Variants in AAK1 observed in about 807,000 individuals in gnomAD.
The protein encoded by AAK1 is AP2 associated kinase 1, also known as AP2-associated protein kinase 1.
Under a neutral mutation model 116.0 loss-of-function variants are expected in AAK1, and 37 were observed. The ratio of observed to expected loss-of-function variants is 0.32; its 90% CI spans 0.25 to 0.42. The LOEUF is 0.42. Ranked by LOEUF, AAK1 falls within the 10% of genes least tolerant of loss-of-function variation. The probability of loss-of-function intolerance (pLI) is 1.00; values close to 1 mark genes in which losing one functional copy is unlikely to be tolerated. For missense variants in AAK1, 919 were observed against 1,170.6 expected (o/e 0.79, Z 3.14); for synonymous variants, 458 against 439.9 (o/e 1.04, Z -0.51).
At chr2:69,582,483 G>A (rs948118859) in intron 2 of AAK1, among the ~76,000 whole-genome samples, 11 of 152,162 alleles carry the variant, frequency 7.2e-5, no homozygotes, top group African/African-American at 2.4e-4. Flanking sequence ...TGGGAGAGGT[G>A]GTGAGGAAGT....
intron 5 of AAK1, among the ~76,000 whole-genome samples, chr2:69,536,555 T>C (rs1670482942): frequency 6.6e-6 from 1 of 152,160 alleles, no homozygotes; most frequent in South Asian, 2.1e-4. Context: ...ACTTTGTTTT[T>C]GGCAAAGTCC....
chr2:69,588,779 T>C (rs1672897232), intron 2 of AAK1, among the ~76,000 whole-genome samples: 1 of 152,196 alleles, frequency 6.6e-6, no homozygotes. Flanking sequence ...ATTATTTATT[T>C]TTATCCAATG....
intron 15 of AAK1, among the ~76,000 whole-genome samples, chr2:69,507,052 C>T (rs760638648): frequency 1.6e-4 from 24 of 152,302 alleles, no homozygotes; most frequent in Admixed American, 3.9e-4. Flanking sequence ...GCAGTGGCAA[C>T]TTTCTGGGAC....
In AAK1 at chr2:69,582,649, CT is replaced by C. The variant is rs201076235; in HGVS notation, c.164-25672del. 3.9e-3 allele frequency among the ~76,000 whole-genome samples: 594 copies of C among 152,276 alleles called. 2 individuals are homozygous for C. The highest frequency in any genetic ancestry group is 0.014 in the African/African-American group (565 of 41,548). On this transcript the variant is annotated intron_variant, in intron 2 of 21. Coordinates refer to ENST00000409085, the MANE Select transcript of AAK1 (RefSeq NM_014911.5). ...ATTCTACAGAGAAACCTCTTGCCAG[CT>C]GTCTGCTCAAGCTAAAAGTTTGAAT...
intron 2 of AAK1, among the ~76,000 whole-genome samples, chr2:69,596,458 G>A (rs548716971): frequency 1.3e-5 from 2 of 152,244 alleles, no homozygotes; most frequent in South Asian, 4.1e-4. Context: ...CTGACCTTAG[G>A]TGATCCACCT....
At chr2:69,591,470 G>A (rs1673020438) in intron 2 of AAK1, among the ~76,000 whole-genome samples, 1 of 151,658 alleles carries the variant, frequency 6.6e-6, no homozygotes, top group Admixed American at 6.6e-5. Flanking sequence ...CTTTATTCTA[G>A]AGCCAACGGG....
chr2:69,573,237 G>A (rs762350054), intron 2 of AAK1, among the ~76,000 whole-genome samples: 20 of 152,210 alleles, frequency 1.3e-4, no homozygotes, highest in Non-Finnish European at 2.5e-4. Context: ...GGTCAGTGCA[G>A]AGCAGTCAGA....
At chr2:69,497,272 A>G (rs1283262148) in intron 16 of AAK1, among the ~76,000 whole-genome samples, 2 of 146,032 alleles carry the variant, frequency 1.4e-5, no homozygotes, top group East Asian at 4.0e-4. Context: ...ATGCACCACC[A>G]CATGCAGCTT....
At chr2:69,627,756 T>C (rs1674975188) in intron 2 of AAK1, among the ~76,000 whole-genome samples, 1 of 152,200 alleles carries the variant, frequency 6.6e-6, no homozygotes, top group South Asian at 2.1e-4. Context: ...TTTTCATTCC[T>C]ATCTTGTGGT....
At chr2:69,614,675 C>A (rs1674240792) in intron 2 of AAK1, among the ~76,000 whole-genome samples, 1 of 152,206 alleles carries the variant, frequency 6.6e-6, no homozygotes, top group South Asian at 2.1e-4. Flanking sequence ...GTAAATGTGA[C>A]CTTATATAGA....
chr2:69,539,626 AG>A (rs1327810652), intron 5 of AAK1, among the ~76,000 whole-genome samples: 1 of 152,240 alleles, frequency 6.6e-6, no homozygotes, highest in Non-Finnish European at 1.5e-5. Context: ...AAAGGCAACT[AG>A]GAGTAGTGTC....
rs1047298880 is a variant in AAK1, at chr2:69,470,122, T to C, written c.*5747A>G. The stretch of plus-strand genomic sequence containing the variant: ...GAAGACTTAAATGTCAGGCTGGATA[T>C]TCCTTAATGAAATACATCACACAAC... On this transcript the variant is annotated 3_prime_UTR_variant, in exon 22 of 22. Transcript: ENST00000409085. 3 of 985,322 alleles carry C rather than the reference T, an allele frequency of 3.0e-6. No individual in the cohort carries two copies. In the African/African-American group the frequency reaches 5.2e-5, roughly 17 times the overall value. The allele number at this position is 985,322 out of a possible 1,614,324, so 61.0% of individuals were successfully genotyped here. A position where few individuals can be genotyped will look rare whatever the true frequency, so the allele number is the denominator to read the frequency against.
At chr2:69,524,269 G>A (rs540018820) in intron 10 of AAK1, among the ~76,000 whole-genome samples, 1 of 152,184 alleles carries the variant, frequency 6.6e-6, no homozygotes, top group South Asian at 2.1e-4. Context: ...AAGAGATAGG[G>A]TCTCACTGTA....
chr2:69,465,961 C>T lies in AAK1; in HGVS notation c.*9908G>A. On this transcript the variant is annotated 3_prime_UTR_variant, in exon 22 of 22. Transcript: ENST00000409085. ...GAGGTGCATTGGATAACTGTTAACT[C>T]CTCCATGCTTTTCTTCTTAGTGAAA... The T allele has an allele frequency of 7.7e-7, 1 of 1,290,864 alleles. No homozygotes were observed. The highest frequency in any genetic ancestry group is 1.0e-6 in the Non-Finnish European group (1 of 988,878). The allele number at this position is 1,290,864 out of a possible 1,614,324, so 80.0% of individuals were successfully genotyped here.
In AAK1 at chr2:69,529,416, A is replaced by G. The variant is rs1312004561; in HGVS notation, c.871+592T>C. On this transcript the variant is annotated intron_variant, in intron 8 of 21. Coordinates refer to ENST00000409085, the MANE Select transcript of AAK1 (RefSeq NM_014911.5). The stretch of plus-strand genomic sequence containing the variant: ...AATATTATTCTTTTTTTTTTCTTTA[A>G]AGATTACTTATTCTACCATCTGGTT... Among the ~76,000 whole-genome samples the G allele has an allele frequency of 7.9e-5, 12 of 152,000 alleles. 1 individual carries two copies.
chr2:69,637,538 G>A lies in AAK1; in HGVS notation c.163+5340C>T, dbSNP rs542007460. Among the ~76,000 whole-genome samples the A allele has an allele frequency of 7.9e-5, 12 of 152,232 alleles. No individual in the cohort carries two copies. In the South Asian group the frequency reaches 8.3e-4, roughly 11 times the overall value. On this transcript the variant is annotated intron_variant, in intron 2 of 21. Coordinates refer to ENST00000409085, the MANE Select transcript of AAK1 (RefSeq NM_014911.5). ...AAAATATGGCTCCATAAAATAGACC[G>A]GAGGCAAGTCTCTGCTAGCTCACAG... is the stretch of plus-strand genomic sequence containing the variant.
intron 2 of AAK1, among the ~76,000 whole-genome samples, chr2:69,627,882 A>G (rs1348019430): frequency 6.6e-6 from 1 of 152,114 alleles, no homozygotes; most frequent in African/African-American, 2.4e-5. Flanking sequence ...AAAGTCCCTA[A>G]CTGAAGCCCG....
chr2:69,522,966 C>A (rs1669854980), intron 10 of AAK1, among the ~76,000 whole-genome samples: 1 of 152,174 alleles, frequency 6.6e-6, no homozygotes, highest in Non-Finnish European at 1.5e-5. Flanking sequence ...TGAGTTCTAG[C>A]TCCTCACTAA....
chr2:69,592,570 A>G (rs1028034685), intron 2 of AAK1, among the ~76,000 whole-genome samples: 3 of 152,394 alleles, frequency 2.0e-5, no homozygotes, highest in Non-Finnish European at 4.4e-5. Context: ...ACATAACATG[A>G]AAAGAGTAAC....
Sources: gnomAD v4.1 joint callset for allele counts (sites outside exome capture counted in the v4.1 genomes callset) on GRCh38, gnomAD v4.1.1 for gene constraint, MANE v1.5 for transcripts, NCBI Gene and HGNC (gene_info 2026-07-23, HGNC 2026-07-21) for gene names.